SYNE1: variants seen among roughly 807,000 people sequenced by gnomAD.
SYNE1 encodes nesprin-1.
A neutral mutation model predicts 1,111.0 loss-of-function variants in SYNE1; 616 were observed. That is an observed-to-expected ratio of 0.55 (90% CI 0.52 to 0.59). SYNE1 has a LOEUF of 0.59. Ranked by LOEUF, SYNE1 falls within the 20% of genes least tolerant of loss-of-function variation. SYNE1 has a pLI of 0.00. For missense variants in SYNE1, 10,006 were observed against 10,417.0 expected, an observed-to-expected ratio of 0.96 and a Z score of 1.72; for synonymous variants, 3,855 against 3,825.8, an observed-to-expected ratio of 1.01 and a Z score of -0.28.
At chr6:152,406,940 A>G (rs1372276484) in intron 45 of SYNE1, 74 bp downstream of exon 45, 8 of 1,186,154 alleles carry the variant, frequency 6.7e-6, no homozygotes, top group Non-Finnish European at 8.0e-6. Flanking sequence ...ACTTTTAAGA[A>G]AGACTTTTTT....
intron 67 of SYNE1, 117 bp from the exon 68 acceptor site, chr6:152,353,861 ATT>A: frequency 7.4e-7 from 1 of 1,352,730 alleles, no homozygotes; most frequent in Non-Finnish European, 1.0e-6. Context: ...TTATTTTGAG[ATT>A]TAATTTTGAA....
chr6:152,307,374 C>G (rs1440226146), intron 91 of SYNE1, among the ~76,000 whole-genome samples: 1 of 152,060 alleles, frequency 6.6e-6, no homozygotes, highest in Non-Finnish European at 1.5e-5. Flanking sequence ...TTGAGAATCT[C>G]AATGTGAGTG....
Position 152,300,797 on chromosome 6 carries a change from T to C in SYNE1, c.17542-16A>G. 1 of 1,614,206 alleles carries C rather than the reference T, an allele frequency of 6.2e-7. No homozygotes were observed. The highest frequency in any genetic ancestry group is 8.5e-7 in the Non-Finnish European group (1 of 1,180,030). ...CTGCAGTCATCTGCCACGTAAAATG[T>C]AGCCCAAAGGACATGAAAATCAATT... is the stretch of plus-strand genomic sequence containing the variant. On this transcript the variant is annotated splice_polypyrimidine_tract_variant and intron_variant, in intron 92 of 145. Transcript: ENST00000367255.
chr6:152,417,295 G>A (rs963417504), intron 40 of SYNE1, among the ~76,000 whole-genome samples: 5 of 152,138 alleles, frequency 3.3e-5, no homozygotes, highest in African/African-American at 1.2e-4. Flanking sequence ...TCAGGAGATC[G>A]AAACCATCCT....
intron 8 of SYNE1, among the ~76,000 whole-genome samples, chr6:152,507,977 G>A (rs756586973): frequency 5.3e-5 from 8 of 152,132 alleles, no homozygotes; most frequent in Non-Finnish European, 1.0e-4. Flanking sequence ...TTTACTGGAT[G>A]TTTTATCATT....
rs1218711505 is a variant in SYNE1 at position 152,231,497 on chromosome 6, C to A, written c.20933G>T (p.Ser6978Ile). The change falls in exon 114 of 146, where the codon AGC becomes ATC. Residue 6978 changes from serine (S) to isoleucine (I), a missense_variant. This residue lies in a region of SYNE1 where 2,182 missense variants were observed against 2,287.8 expected (regional missense o/e 0.95). Coordinates refer to ENST00000367255, the MANE Select transcript of SYNE1 (RefSeq NM_182961.4). ...DFVNQSVLQISSQDVESKRSD... is the reference protein window; with the variant it reads ...DFVNQSVLQIISQDVESKRSD... ...ACGCTTACTTTCCACATCCTGACTG[C>A]TGATTTGTAGCACGGACTGGTTCAC... The A allele has an allele frequency of 1.9e-6, 3 of 1,613,994 alleles. No homozygotes were observed. Among genetic ancestry groups the A allele is most frequent in the Non-Finnish European group, 2.5e-6 (3 of 1,180,026 alleles).
chr6:152,501,694 T>A (rs1034022060), intron 10 of SYNE1, among the ~76,000 whole-genome samples: 1 of 149,428 alleles, frequency 6.7e-6, no homozygotes, highest in East Asian at 2.0e-4. Context: ...AAGATTGTGC[T>A]ACTGCACTCC....
chr6:152,495,786 C>A (rs1426388930), intron 11 of SYNE1, among the ~76,000 whole-genome samples: 1 of 152,224 alleles, frequency 6.6e-6, no homozygotes, highest in African/African-American at 2.4e-5. Flanking sequence ...GACGCAGCAG[C>A]AGGGGCCACG....
intron 137 of SYNE1, chr6:152,145,335 CA>C (rs1463233392): frequency 1.4e-6 from 1 of 732,174 alleles, no homozygotes; most frequent in Non-Finnish European, 2.4e-6. Flanking sequence ...TGGATTTAAC[CA>C]GCTGTTTTTT....
chr6:152,472,171 A>G (rs2098809697), intron 15 of SYNE1, 130 bp downstream of exon 15: 2 of 743,060 alleles, frequency 2.7e-6, no homozygotes, highest in African/African-American at 3.6e-5. Context: ...GTCTTATGGG[A>G]GCCCGCTTTC....
rs527935220 is a variant in SYNE1, at chr6:152,609,143, G to A, written c.67+19122C>T. 1.1e-4 allele frequency among the ~76,000 whole-genome samples: 17 copies of A among 152,118 alleles called. No homozygotes were observed. The East Asian group carries it at 3.1e-3, about 28-fold the overall frequency. On this transcript the variant is annotated intron_variant, in intron 3 of 145. Transcript: ENST00000367255. ...GGACAGCAGGTGCAGCCCACGGAGG[G>A]TGAGCTGACGAAGCAGGGTGGGGCA...
chr6:152,122,448 A>G lies in SYNE1; in HGVS notation c.26382T>C (p.Pro8794=). ...GCATCTGCTTAGTTCAGAGTGGAGG[A>G]GGGCCATTCGTGTATCTGAGCATGG... is the stretch of plus-strand genomic sequence containing the variant. The part of the protein sequence containing the change: ...FHPMLRYTNG[P]PPL The change falls in exon 146 of 146, where the codon CCT becomes CCC. Residue 8794 remains proline, a synonymous_variant. Transcript: ENST00000367255. 1 of 1,614,092 alleles carries G rather than the reference A, an allele frequency of 6.2e-7. No homozygotes were observed.
At chr6:152,477,104 G>C (rs1368162480) in intron 14 of SYNE1, among the ~76,000 whole-genome samples, 1 of 152,008 alleles carries the variant, frequency 6.6e-6, no homozygotes, top group Non-Finnish European at 1.5e-5. Context: ...CACATTTTTA[G>C]AAAGTATGCA....
At chr6:152,187,447 C>T (rs1333987997) in intron 128 of SYNE1, among the ~76,000 whole-genome samples, 1 of 151,996 alleles carries the variant, frequency 6.6e-6, no homozygotes, top group Non-Finnish European at 1.5e-5. Context: ...AAAAGAGATC[C>T]CAGGGCAGCA....
At chr6:152,309,648 G>A (rs1342384955) in intron 90 of SYNE1, among the ~76,000 whole-genome samples, 187 bp downstream of exon 90, 1 of 152,028 alleles carries the variant, frequency 6.6e-6, no homozygotes, top group Non-Finnish European at 1.5e-5. Context: ...TTTTTATATA[G>A]CATTCCCCAG....
intron 58 of SYNE1, among the ~76,000 whole-genome samples, chr6:152,375,433 C>A (rs1193893385): frequency 6.6e-6 from 1 of 152,156 alleles, no homozygotes; most frequent in Non-Finnish European, 1.5e-5. Context: ...GAAAGAAACT[C>A]AAATTTCATA....
chr6:152,382,897 C>A (rs572039489), intron 55 of SYNE1, among the ~76,000 whole-genome samples: 2 of 152,106 alleles, frequency 1.3e-5, no homozygotes, highest in Non-Finnish European at 2.9e-5. Context: ...ATGGCTTTTG[C>A]ATATATTTTC....
chr6:152,549,539 C>T (rs1402432249), intron 3 of SYNE1, among the ~76,000 whole-genome samples: 1 of 152,218 alleles, frequency 6.6e-6, no homozygotes, highest in African/African-American at 2.4e-5. Context: ...TTGGGCCTGT[C>T]TCCTAGGCCT....
chr6:152,336,977 C>T lies in SYNE1; in HGVS notation c.12392G>A (p.Gly4131Asp). 1 of 1,613,958 alleles carries T rather than the reference C, an allele frequency of 6.2e-7. No individual in the cohort carries two copies. The highest frequency in any genetic ancestry group is 8.5e-7 in the Non-Finnish European group (1 of 1,179,982). Reference protein sequence around the residue: ...KLVQAQNLTQGWEEIKHLKSE... With the variant: ...KLVQAQNLTQDWEEIKHLKSE... ...CTTCAGGTGCTTGATCTCTTCCCAGCCCTGAGTTAAGTTCTGGGCCTGGAC... is the reference window on the plus strand; with the variant it reads ...CTTCAGGTGCTTGATCTCTTCCCAGTCCTGAGTTAAGTTCTGGGCCTGGAC... Residue 4131 changes from glycine to aspartate, a missense_variant, in exon 76 of 146, where the codon GGC becomes GAC. By Grantham distance (94) the Gly-to-Asp change is moderately conservative (BLOSUM62 -1). Transcript: ENST00000367255.
Sources: allele counts gnomAD v4.1 joint callset (sites outside exome capture counted in the v4.1 genomes callset), GRCh38; gene constraint gnomAD v4.1.1; regional missense constraint gnomAD v4.1.1; transcripts MANE v1.5; gene names NCBI Gene and HGNC (gene_info 2026-07-23, HGNC 2026-07-21).